GABRR3: variants seen among roughly 807,000 people sequenced by gnomAD.
The protein encoded by GABRR3 is gamma-aminobutyric acid receptor subunit rho-3.
Under a neutral mutation model 43.2 loss-of-function variants are expected in GABRR3, and 29 were observed. That is an observed-to-expected ratio of 0.67 (90% CI 0.50 to 0.92). The LOEUF is 0.92. GABRR3 is among the 40% of genes least tolerant of loss of function. GABRR3 has a pLI of 0.00. For synonymous variants in GABRR3, 206 were observed against 195.9 expected (o/e 1.05, Z -0.43); for missense variants, 576 against 572.3 (o/e 1.01, Z -0.07).
At chr3:97,993,191 G>A in intron 8 of GABRR3, 143 bp from the exon 9 acceptor site, 1 of 538,904 alleles carries the variant, frequency 1.9e-6, no homozygotes, top group South Asian at 4.4e-5. Flanking sequence ...ATGTTGACCA[G>A]CTATATATCT....
intron 9 of GABRR3, among the ~76,000 whole-genome samples, chr3:97,988,156 C>T (rs766155457): frequency 5.9e-5 from 9 of 151,868 alleles, no homozygotes; most frequent in East Asian, 1.9e-4. Flanking sequence ...CCTTGGGACC[C>T]GAAGAGTAAT....
chr3:98,010,906 C>A (rs1400388415), intron 5 of GABRR3, among the ~76,000 whole-genome samples: 1 of 152,142 alleles, frequency 6.6e-6, no homozygotes, highest in Admixed American at 6.5e-5. Context: ...TCGAGACCAG[C>A]CTGGCAAACA....
chr3:98,031,911 T>G (rs1448802462), intron 2 of GABRR3, among the ~76,000 whole-genome samples: 1 of 152,128 alleles, frequency 6.6e-6, no homozygotes, highest in Non-Finnish European at 1.5e-5. Flanking sequence ...ACCTACTGGC[T>G]TTTACATTAG....
At chr3:98,005,218 C>CAA (rs1368740980) in intron 7 of GABRR3, among the ~76,000 whole-genome samples, 1 of 149,626 alleles carries the variant, frequency 6.7e-6, no homozygotes, top group African/African-American at 2.5e-5. Context: ...TTAACACACA[C>CAA]ACACACACAC....
intron 3 of GABRR3, among the ~76,000 whole-genome samples, chr3:98,020,254 A>G (rs1286097950): frequency 6.6e-6 from 1 of 152,162 alleles, no homozygotes. Context: ...TACCTGATTT[A>G]TAAAATTTGT....
Position 98,034,223 on chromosome 3 carries a change from G to A in GABRR3, c.125+640C>T, listed in dbSNP as rs1209345366. On this transcript the variant is annotated intron_variant, in intron 2 of 9. Coordinates refer to ENST00000621172, the Ensembl canonical transcript of GABRR3. The stretch of plus-strand genomic sequence containing the variant: ...ATGCCTGGGGCTGAAGGGATTCCTG[G>A]CATTTTTAGTACTAAAACCTATAAA... 2.6e-5 allele frequency among the ~76,000 whole-genome samples: 4 copies of A among 152,032 alleles called. No individual in the cohort carries two copies. The East Asian group carries it at 5.8e-4, about 22-fold the overall frequency.
chr3:97,995,358 T>C (rs1197038350), intron 8 of GABRR3, among the ~76,000 whole-genome samples: 6 of 152,084 alleles, frequency 3.9e-5, no homozygotes, highest in African/African-American at 1.4e-4. Context: ...TGCAGTAATA[T>C]GGAGCTTAGC....
chr3:97,993,586 T>C (rs1334082853), intron 8 of GABRR3, among the ~76,000 whole-genome samples: 1 of 152,224 alleles, frequency 6.6e-6, no homozygotes, highest in Non-Finnish European at 1.5e-5. Context: ...GCCATTGTTA[T>C]TCTCTTTGTC....
intron 2 of GABRR3, among the ~76,000 whole-genome samples, chr3:98,029,823 G>T (rs1410294900): frequency 1.3e-5 from 2 of 151,994 alleles, no homozygotes; most frequent in African/African-American, 4.8e-5. Flanking sequence ...ATGCTGTGAA[G>T]GATATGATGA....
chr3:97,997,403 T>C (rs1327470235), intron 8 of GABRR3: 1 of 152,226 alleles, frequency 6.6e-6, no homozygotes, highest in Non-Finnish European at 1.5e-5. Context: ...ACTGAAAATA[T>C]TGTTCTAAAA....
At chr3:98,015,705 T>C (rs1706864970) in intron 4 of GABRR3, among the ~76,000 whole-genome samples, 1 of 152,168 alleles carries the variant, frequency 6.6e-6, no homozygotes, top group South Asian at 2.1e-4. Context: ...ACGGAAAAGA[T>C]AGCAATTGAG....
At chr3:98,012,760 C>A (rs1286455788) in intron 4 of GABRR3, among the ~76,000 whole-genome samples, 193 bp from the exon 5 acceptor site, 1 of 152,022 alleles carries the variant, frequency 6.6e-6, no homozygotes, top group Admixed American at 6.6e-5. Context: ...CACATGGAGC[C>A]TAGTGAACGT....
chr3:98,029,618 G>T (rs1707060946), intron 2 of GABRR3, among the ~76,000 whole-genome samples: 1 of 152,082 alleles, frequency 6.6e-6, no homozygotes. Flanking sequence ...CATATTTGAT[G>T]AGTTAACTAG....
At chr3:97,992,856 C>T (rs74497228) in exon 9 of GABRR3, 1 of 1,605,242 alleles carries the variant, frequency 6.2e-7, no homozygotes, top group Middle Eastern at 1.7e-4. Flanking sequence ...CTGTACCTTT[C>T]CTGTCTTCTT....
chr3:97,987,511 A>T (rs954635904), intron 9 of GABRR3, among the ~76,000 whole-genome samples: 31 of 152,242 alleles, frequency 2.0e-4, no homozygotes, highest in African/African-American at 7.5e-4. Context: ...GAGAAAACAA[A>T]ATCACTTCTT....
chr3:98,011,463 A>T (rs1175254261), intron 5 of GABRR3, among the ~76,000 whole-genome samples: 1 of 152,184 alleles, frequency 6.6e-6, no homozygotes, highest in Admixed American at 6.5e-5. Context: ...TTATGACCAC[A>T]TTGCCTACTC....
At chr3:98,011,547 C>A (rs72918422) in intron 5 of GABRR3, among the ~76,000 whole-genome samples, 3,780 of 152,252 alleles carry the variant, frequency 0.025, 158 homozygotes, top group African/African-American at 0.084. Flanking sequence ...AAGTCCCAAC[C>A]AGATAATCCA....
chr3:98,010,917 T>C (rs1706781855), intron 5 of GABRR3, among the ~76,000 whole-genome samples: 1 of 152,112 alleles, frequency 6.6e-6, no homozygotes, highest in Non-Finnish European at 1.5e-5. Context: ...CTGGCAAACA[T>C]GGTGAAACCT....
At chr3:97,991,968 C>T (rs1299570535) in intron 9 of GABRR3, among the ~76,000 whole-genome samples, 6 of 151,866 alleles carry the variant, frequency 4.0e-5, no homozygotes, top group East Asian at 3.9e-4. Flanking sequence ...TGTATGTGTG[C>T]GTATGTGTGT....
Sources: allele counts gnomAD v4.1 joint callset (sites outside exome capture counted in the v4.1 genomes callset), GRCh38; gene constraint gnomAD v4.1.1; transcripts MANE v1.5; gene names NCBI Gene and HGNC (gene_info 2026-07-23, HGNC 2026-07-21).